COPG2: variants seen among roughly 807,000 people sequenced by gnomAD.
The protein encoded by COPG2 is coatomer subunit gamma-2.
COPG2 carries 37 observed loss-of-function variants against 46.3 expected under a neutral mutation model. That is an observed-to-expected ratio of 0.80 (90% confidence interval 0.61 to 1.05). The LOEUF is 1.05. COPG2 is among the 50% of genes least tolerant of loss of function. COPG2 has a pLI of 0.00. For missense variants in COPG2, 427 were observed against 387.8 expected, an observed-to-expected ratio of 1.10 and a Z score of -0.85; for synonymous variants, 159 against 129.7, an observed-to-expected ratio of 1.23 and a Z score of -1.53.
chr7:130,521,021 CTG>C (rs1449132955), intron 20 of COPG2, among the ~76,000 whole-genome samples: 1 of 151,962 alleles, frequency 6.6e-6, no homozygotes, highest in Non-Finnish European at 1.5e-5. Flanking sequence ...TTAGTGATGA[CTG>C]AGAAAATAGG....
At chr7:130,548,299 A>G (rs1294249449) in intron 19 of COPG2, 104 bp downstream of exon 19, 1 of 396,994 alleles carries the variant, frequency 2.5e-6, no homozygotes, top group East Asian at 3.6e-5. Context: ...ATTCTGCCAA[A>G]TTAATTCTCT....
At chr7:130,652,467 G>A (rs918625973) in intron 5 of COPG2, among the ~76,000 whole-genome samples, 2 of 152,060 alleles carry the variant, frequency 1.3e-5, no homozygotes, top group Admixed American at 6.5e-5. Flanking sequence ...TAGTGAGAAC[G>A]ACTATCTAAA....
chr7:130,626,124 C>T (rs1022421595), intron 5 of COPG2, among the ~76,000 whole-genome samples: 1 of 152,186 alleles, frequency 6.6e-6, no homozygotes, highest in Non-Finnish European at 1.5e-5. Context: ...TCAAAATCCT[C>T]TCTGAGCTAT....
In COPG2 at chr7:130,535,461, A is replaced by G. The variant is rs921810393; in HGVS notation, c.2149+12213T>C. Among the ~76,000 whole-genome samples the G allele has an allele frequency of 8.1e-3, 1,226 of 151,970 alleles. 11 individuals are homozygous for G. The highest frequency in any genetic ancestry group is 0.014 in the Non-Finnish European group (941 of 67,934). On this transcript the variant is annotated intron_variant, in intron 20 of 23. Coordinates refer to ENST00000425248, the MANE Select transcript of COPG2 (RefSeq NM_012133.6). ...AGGGGGAGGTCCCAGAGTAGGAACC[A>G]AGGAATGTGGAGTGCTCAGGGCAGC...
intron 20 of COPG2, among the ~76,000 whole-genome samples, chr7:130,529,655 G>C (rs1381015810): frequency 6.6e-6 from 1 of 152,164 alleles, no homozygotes; most frequent in Non-Finnish European, 1.5e-5. Flanking sequence ...AGTGGGTTAA[G>C]GGCCAAAGTG....
intron 9 of COPG2, among the ~76,000 whole-genome samples, chr7:130,585,264 A>AC (rs1794242654): frequency 1.3e-5 from 2 of 152,082 alleles, no homozygotes; most frequent in Non-Finnish European, 2.9e-5. Flanking sequence ...GGCTAGCCAC[A>AC]TGTAGCAGAA....
Position 130,572,184 on chromosome 7 carries a change from A to G in COPG2, c.738-7791T>C, listed in dbSNP as rs1584977670. On this transcript the variant is annotated intron_variant, in intron 9 of 23. Coordinates refer to ENST00000425248, the MANE Select transcript of COPG2 (RefSeq NM_012133.6). ...TGGGTACACCAAAATCTCAGAAATCACCTCTGAAGAACTTATCCATGTAAC... is the reference window on the plus strand; with the variant it reads ...TGGGTACACCAAAATCTCAGAAATCGCCTCTGAAGAACTTATCCATGTAAC... Among the ~76,000 whole-genome samples, 6 of 152,184 alleles carry G rather than the reference A, an allele frequency of 3.9e-5. No homozygotes were observed. The South Asian group carries it at 1.2e-3, about 32-fold the overall frequency.
At chr7:130,650,682 G>A (rs568083852) in intron 5 of COPG2, among the ~76,000 whole-genome samples, 2 of 152,178 alleles carry the variant, frequency 1.3e-5, no homozygotes, top group African/African-American at 4.8e-5. Context: ...GCTTCCTAAG[G>A]ATAGTCATAT....
intron 9 of COPG2, among the ~76,000 whole-genome samples, chr7:130,569,090 C>T (rs1793852341): frequency 6.6e-6 from 1 of 152,116 alleles, no homozygotes; most frequent in South Asian, 2.1e-4. Flanking sequence ...TAAATGCCTA[C>T]ACCAAAAAGT....
At chr7:130,557,622 C>T (rs1421544516) in intron 12 of COPG2, among the ~76,000 whole-genome samples, 4 of 151,302 alleles carry the variant, frequency 2.6e-5, no homozygotes, top group African/African-American at 9.7e-5. Flanking sequence ...GCCTGGCCAA[C>T]GTGGTGAAAC....
intron 13 of COPG2, 62 bp downstream of exon 13, chr7:130,554,975 T>C: frequency 2.5e-6 from 1 of 398,192 alleles, no homozygotes; most frequent in Non-Finnish European, 4.4e-6. Flanking sequence ...ACTATGGTAT[T>C]TCATGGCAAT....
intron 9 of COPG2, among the ~76,000 whole-genome samples, chr7:130,591,083 A>G (rs1479704009): frequency 1.3e-4 from 14 of 108,874 alleles, no homozygotes; most frequent in East Asian, 4.0e-4. Context: ...CCCCGTCCAG[A>G]AGGGAGGTGG....
At chr7:130,623,118 G>A (rs1554453827) in intron 5 of COPG2, among the ~76,000 whole-genome samples, 1 of 152,110 alleles carries the variant, frequency 6.6e-6, no homozygotes, top group Non-Finnish European at 1.5e-5. Flanking sequence ...TTGCCAACGT[G>A]TCACTCAGAA....
At chr7:130,508,097 G>A (rs1209377653) in intron 21 of COPG2, 5 of 362,736 alleles carry the variant, frequency 1.4e-5, no homozygotes, top group African/African-American at 4.2e-5. Flanking sequence ...CTGGGCACAC[G>A]GTACCCTCTG....
intron 20 of COPG2, among the ~76,000 whole-genome samples, chr7:130,513,308 A>ATATATATAT (rs1554441290): frequency 1.1e-4 from 6 of 55,666 alleles, no homozygotes; most frequent in African/African-American, 4.7e-4. Context: ...AAAAAAAAAA[A>ATATATATAT]ATATATATAT....
chr7:130,631,660 A>AGTT (rs1795234890), intron 5 of COPG2, among the ~76,000 whole-genome samples: 1 of 152,202 alleles, frequency 6.6e-6, no homozygotes, highest in African/African-American at 2.4e-5. Context: ...ACTTTATAGT[A>AGTT]ATAAAGTACC....
chr7:130,539,440 C>T (rs1799915159), intron 20 of COPG2, among the ~76,000 whole-genome samples: 2 of 152,064 alleles, frequency 1.3e-5, no homozygotes, highest in Non-Finnish European at 2.9e-5. Context: ...GGAGGAGCAA[C>T]AGAAAACAGT....
intron 4 of COPG2, among the ~76,000 whole-genome samples, chr7:130,659,304 G>A (rs568753557): frequency 2.8e-4 from 37 of 133,812 alleles, no homozygotes; most frequent in Non-Finnish European, 4.9e-4. Context: ...GCAGTGAGCC[G>A]AGATCATGCC....
intron 5 of COPG2, among the ~76,000 whole-genome samples, chr7:130,651,494 ATTTTTTTTTTTTTTTTT>A (rs59572019): frequency 3.5e-5 from 2 of 57,242 alleles, no homozygotes; most frequent in Non-Finnish European, 3.1e-5. Context: ...ATTTTTTTGT[ATTTTTTTTTTTTTTTTT>A]TTTTTTTTTT....
Sources: allele counts gnomAD v4.1 joint callset (sites outside exome capture counted in the v4.1 genomes callset), GRCh38; gene constraint gnomAD v4.1.1; transcripts MANE v1.5; gene names NCBI Gene and HGNC (gene_info 2026-07-23, HGNC 2026-07-21).